Variants in NDST3 observed in about 807,000 individuals in gnomAD.
NDST3 encodes N-deacetylase and N-sulfotransferase 3, also known as bifunctional heparan sulfate N-deacetylase/N-sulfotransferase 3.
A neutral mutation model predicts 96.1 loss-of-function variants in NDST3; 58 were observed. The ratio of observed to expected loss-of-function variants is 0.60; its 90% CI spans 0.49 to 0.75. The LOEUF is 0.75. NDST3 is among the 30% of genes least tolerant of loss of function. NDST3 has a pLI of 0.00. For missense variants in NDST3, 788 were observed against 1,034.2 expected (o/e 0.76, Z 3.27); for synonymous variants, 333 against 359.7 (o/e 0.93, Z 0.84).
chr4:118,121,517 A>T (rs1409021504), intron 4 of NDST3, among the ~76,000 whole-genome samples: 1 of 152,196 alleles, frequency 6.6e-6, no homozygotes, highest in African/African-American at 2.4e-5. Flanking sequence ...AGCAGGGGAA[A>T]ATTGGATGTA....
intron 2 of NDST3, among the ~76,000 whole-genome samples, chr4:118,089,670 T>C (rs968766288): frequency 6.6e-6 from 1 of 151,996 alleles, no homozygotes; most frequent in African/African-American, 2.4e-5. Flanking sequence ...TTCACCTGTG[T>C]ATATTTGAAT....
chr4:118,033,606 C>G (rs1188903844), upstream of NDST3: 4 of 151,850 alleles, frequency 2.6e-5, no homozygotes, highest in Non-Finnish European at 5.9e-5. Flanking sequence ...GGCTCCCGCC[C>G]GGGAGGCGGT....
At chr4:118,193,838 T>G in intron 6 of NDST3, 2 of 1,307,632 alleles carry the variant, frequency 1.5e-6, no homozygotes, top group East Asian at 4.6e-5. Context: ...TTGAAGGGCC[T>G]GTGCCTTCTG....
chr4:118,207,012 A>C (rs1385682163), intron 6 of NDST3, among the ~76,000 whole-genome samples: 2 of 143,632 alleles, frequency 1.4e-5, no homozygotes, highest in Non-Finnish European at 3.1e-5. Flanking sequence ...TATATATAAT[A>C]AGAATGGGGA....
At chr4:118,046,589 G>T (rs1404211823) in intron 1 of NDST3, among the ~76,000 whole-genome samples, 2 of 152,178 alleles carry the variant, frequency 1.3e-5, no homozygotes, top group African/African-American at 4.8e-5. Context: ...CAGCCTGGGT[G>T]CCTTGCTCCA....
chr4:118,137,915 A>G lies in NDST3; in HGVS notation c.1225-139A>G, dbSNP rs907989541. On this transcript the variant is annotated intron_variant, in intron 4 of 13. Coordinates refer to ENST00000296499, the MANE Select transcript of NDST3 (RefSeq NM_004784.3). The stretch of plus-strand genomic sequence containing the variant: ...ATGACGTCTAGAGGTGTTAATACTT[A>G]TATCACTTTAATTTTACCACACAAT... The G allele has an allele frequency of 2.5e-5, 18 of 711,078 alleles. No individual in the cohort carries two copies. The East Asian group carries it at 5.0e-4, about 20-fold the overall frequency. 44.0% of individuals were successfully genotyped at this position (711,078 alleles called of 1,614,324 possible). A position where few individuals can be genotyped will look rare whatever the true frequency, so the allele number is the denominator to read the frequency against.
At chr4:118,089,997 T>C (rs954631420) in intron 2 of NDST3, among the ~76,000 whole-genome samples, 2 of 151,880 alleles carry the variant, frequency 1.3e-5, no homozygotes, top group East Asian at 3.9e-4. Context: ...GCACAAAGGG[T>C]TAGAGTGCCA....
intron 6 of NDST3, among the ~76,000 whole-genome samples, chr4:118,219,141 T>C (rs535941044): frequency 2.6e-5 from 4 of 152,170 alleles, no homozygotes; most frequent in African/African-American, 7.2e-5. Context: ...TCAATGCTAT[T>C]CCCTTCAAAC....
At chr4:118,231,321 G>A (rs1440004068) in intron 8 of NDST3, among the ~76,000 whole-genome samples, 1 of 142,310 alleles carries the variant, frequency 7.0e-6, no homozygotes, top group Non-Finnish European at 1.5e-5. Context: ...GGGCAACAGA[G>A]CAAGACTCCA....
intron 3 of NDST3, among the ~76,000 whole-genome samples, chr4:118,109,905 G>A (rs1730505396): frequency 6.6e-6 from 1 of 152,110 alleles, no homozygotes; most frequent in Admixed American, 6.5e-5. Flanking sequence ...AATTTTTGAA[G>A]GGTATGTGCA....
At chr4:118,232,234 A>G (rs898450120) in intron 8 of NDST3, among the ~76,000 whole-genome samples, 1 of 152,178 alleles carries the variant, frequency 6.6e-6, no homozygotes, top group African/African-American at 2.4e-5. Context: ...AATATATTTC[A>G]TTTATATAGT....
In NDST3 at chr4:118,231,308, C is replaced by A. The variant is rs571670019; in HGVS notation, c.1820-1704C>A. Reference sequence around the variant, plus strand: ...CCCAGATCGTGCCACTGCACTCCAGCCTGGGCAACAGAGCAAGACTCCATC... The same window carrying A: ...CCCAGATCGTGCCACTGCACTCCAGACTGGGCAACAGAGCAAGACTCCATC... On this transcript the variant is annotated intron_variant, in intron 8 of 13. Transcript: ENST00000296499. Among the ~76,000 whole-genome samples the A allele has an allele frequency of 2.7e-5, 4 of 150,360 alleles. No homozygotes were observed. In the East Asian group the frequency reaches 7.9e-4, roughly 30 times the overall value.
In NDST3 at chr4:118,064,173, G is replaced by A. The variant is rs28706008; in HGVS notation, c.981+9282G>A. 6.0e-3 allele frequency among the ~76,000 whole-genome samples: 914 copies of A among 152,242 alleles called. 10 individuals are homozygous for A. Among genetic ancestry groups the A allele is most frequent in the African/African-American group, 0.021 (857 of 41,552 alleles). On this transcript the variant is annotated intron_variant, in intron 2 of 13. Transcript: ENST00000296499. The stretch of plus-strand genomic sequence containing the variant: ...AAGAACCAAAATTGCCCATAATTCT[G>A]ATAATCTCACTTTTTCTATCTGTAT...
chr4:118,109,565 G>A (rs1350333413), intron 3 of NDST3, among the ~76,000 whole-genome samples: 1 of 152,168 alleles, frequency 6.6e-6, no homozygotes, highest in Non-Finnish European at 1.5e-5. Context: ...CAACACAGAT[G>A]GAAACAGAGG....
At chr4:118,034,892 T>C (rs1208121162) in intron 1 of NDST3, among the ~76,000 whole-genome samples, 1 of 152,204 alleles carries the variant, frequency 6.6e-6, no homozygotes, top group South Asian at 2.1e-4. Context: ...GTAGATCTGT[T>C]TAACAGAACA....
intron 10 of NDST3, 131 bp from the exon 11 acceptor site, chr4:118,240,393 A>C: frequency 1.5e-6 from 1 of 672,416 alleles, no homozygotes; most frequent in Non-Finnish European, 2.2e-6. Flanking sequence ...TCCTTTACTA[A>C]TTTCAAAATA....
Position 118,249,731 on chromosome 4 carries a change from T to TACACACACACACACACACAC in NDST3, c.2400-3756_2400-3737dup, listed in dbSNP as rs60479821. On this transcript the variant is annotated intron_variant, in intron 12 of 13. Coordinates refer to ENST00000296499, the MANE Select transcript of NDST3 (RefSeq NM_004784.3). ...ACTACATATAGACTACAGCCCCACA[T>TACACACACACACACACACAC]ACACACACACACACACACACACACA... Among the ~76,000 whole-genome samples, 172 of 145,600 alleles carry TACACACACACACACACACAC rather than the reference T, an allele frequency of 1.2e-3. 1 individual carries two copies. Among genetic ancestry groups the TACACACACACACACACACAC allele is most frequent in the Non-Finnish European group, 2.0e-3 (133 of 65,762 alleles).
intron 12 of NDST3, among the ~76,000 whole-genome samples, chr4:118,249,247 G>T (rs767556383): frequency 6.6e-5 from 10 of 152,082 alleles, no homozygotes; most frequent in Non-Finnish European, 1.2e-4. Context: ...CTACAGCAAG[G>T]TATATTAGCA....
chr4:118,037,804 T>C (rs1175684653), intron 1 of NDST3, among the ~76,000 whole-genome samples: 5 of 152,226 alleles, frequency 3.3e-5, no homozygotes, highest in Non-Finnish European at 5.9e-5. Context: ...TCTCACTTGT[T>C]CTAAAATGTG....
Sources: allele counts gnomAD v4.1 joint callset (sites outside exome capture counted in the v4.1 genomes callset), GRCh38; gene constraint gnomAD v4.1.1; transcripts MANE v1.5; gene names NCBI Gene and HGNC (gene_info 2026-07-23, HGNC 2026-07-21).